Variants in ZFP41 observed in about 807,000 individuals in gnomAD.
ZFP41 encodes zinc finger protein 41 homolog.
ZFP41 carries 10 observed loss-of-function variants against 11.6 expected under a neutral mutation model. That is an observed-to-expected ratio of 0.86 (90% CI 0.53 to 1.47). The LOEUF (loss-of-function observed/expected upper bound fraction) is 1.47. Among genes scored for constraint, ZFP41 ranks in the 40% most tolerant of loss-of-function variants. The pLI, the probability that ZFP41 is intolerant of heterozygous loss-of-function variation, is 0.00. For missense variants in ZFP41, 302 were observed against 264.6 expected, an observed-to-expected ratio of 1.14 and a Z score of -0.98; for synonymous variants, 123 against 100.9, an observed-to-expected ratio of 1.22 and a Z score of -1.31.
Position 143,250,157 on chromosome 8 carries a change from A to G in ZFP41, c.314A>G (p.His105Arg). Residue 105 changes from histidine (H) to arginine (R), a missense_variant, in exon 2 of 3, where the codon CAT becomes CGT. His to Arg is a conservative substitution (Grantham distance 29, BLOSUM62 0). Coordinates refer to ENST00000330701, the MANE Select transcript of ZFP41 (RefSeq NM_173832.6). Reference sequence around the variant, plus strand: ...AAGCACAAGACAGACCACATTCGCCATCAGAGGGTCCACACTGGAGAGAAG... The same window carrying G: ...AAGCACAAGACAGACCACATTCGCCGTCAGAGGGTCCACACTGGAGAGAAG... ...IFKHKTDHIR[H>R]QRVHTGEKPF... is the part of the protein sequence containing the mutation. 1 of 1,614,184 alleles carries G rather than the reference A, an allele frequency of 6.2e-7. No individual in the cohort carries two copies. Among genetic ancestry groups the G allele is most frequent in the Non-Finnish European group, 8.5e-7 (1 of 1,180,040 alleles).
Position 143,249,930 on chromosome 8 carries a change from G to A in ZFP41, c.87G>A (p.Lys29=). The part of the protein sequence containing the change: ...DVQKSALREE[K]VSGDRKPPER... Reference sequence around the variant, plus strand: ...AGAAGAGTGCGCTCAGAGAGGAGAAGGTGTCCGGGGACAGAAAGCCACCTG... The same window carrying A: ...AGAAGAGTGCGCTCAGAGAGGAGAAAGTGTCCGGGGACAGAAAGCCACCTG... The change falls in exon 2 of 3, where the codon AAG becomes AAA. Residue 29 remains lysine, a synonymous_variant. Transcript: ENST00000330701. 6.2e-7 allele frequency: 1 copy of A among 1,613,920 alleles called. No homozygotes were observed. Among genetic ancestry groups the A allele is most frequent in the South Asian group, 1.1e-5 (1 of 91,070 alleles).
chr8:143,249,849 G>A lies in ZFP41; in HGVS notation c.6G>A (p.Glu2=), dbSNP rs368146495. The A allele has an allele frequency of 6.9e-6, 11 of 1,591,184 alleles. No homozygotes were observed. Among genetic ancestry groups the A allele is most frequent in the Middle Eastern group, 1.7e-4 (1 of 5,948 alleles). ...CGCTTCCAAGGAACAGAATGATGGA[G>A]AAGCCTGCAGGCAGAAAAAAGAAGA... The part of the protein sequence containing the change: M[E]KPAGRKKKTP... Residue 2 remains glutamate, a synonymous_variant, in exon 2 of 3, where the codon GAG becomes GAA. Transcript: ENST00000330701.
Position 143,261,778 on chromosome 8 carries a change from C to A in ZFP41, c.*2904C>A. 4.7e-6 allele frequency: 1 copy of A among 212,392 alleles called. No individual in the cohort carries two copies. The highest frequency in any genetic ancestry group is 9.4e-6 in the Non-Finnish European group (1 of 105,922). The allele number at this position is 212,392 out of a possible 1,614,324, so 13.2% of individuals were successfully genotyped here. A position where few individuals can be genotyped will look rare whatever the true frequency, so the allele number is the denominator to read the frequency against. On this transcript the variant is annotated 3_prime_UTR_variant, in exon 3 of 3. Coordinates refer to ENST00000330701, the MANE Select transcript of ZFP41 (RefSeq NM_173832.6). ...CCTACCCGCACCCGTGCACCTTCCA[C>A]GCCCGTCTCCAGCAGCCCCTGCCCC...
chr8:143,248,655 T>G (rs1816737544), intron 1 of ZFP41, among the ~76,000 whole-genome samples: 1 of 151,244 alleles, frequency 6.6e-6, no homozygotes, highest in Non-Finnish European at 1.5e-5. Flanking sequence ...CCAGCCAGCT[T>G]GGGCTGTGAT....
intron 1 of ZFP41, among the ~76,000 whole-genome samples, chr8:143,248,773 C>T (rs1816740107): frequency 1.3e-5 from 2 of 152,170 alleles, no homozygotes; most frequent in African/African-American, 4.8e-5. Context: ...AGTTCTGGCG[C>T]CCACCTGATC....
chr8:143,258,953 C>T (rs745451728), intron 2 of ZFP41, among the ~76,000 whole-genome samples: 3 of 152,314 alleles, frequency 2.0e-5, no homozygotes, highest in South Asian at 4.1e-4. Flanking sequence ...AGCAGCCTGG[C>T]GTTTTCTGGC....
chr8:143,249,591 C>G, intron 1 of ZFP41, 99 bp from the exon 2 acceptor site: 1 of 467,172 alleles, frequency 2.1e-6, no homozygotes, highest in East Asian at 3.6e-5. Context: ...TTGAGACACT[C>G]TTGGGGGAAC....
intron 2 of ZFP41, among the ~76,000 whole-genome samples, chr8:143,255,639 G>A (rs1814891146): frequency 7.2e-6 from 1 of 138,620 alleles, no homozygotes. Flanking sequence ...CCGCGTGCTG[G>A]TGTTAGTGAG....
intron 2 of ZFP41, chr8:143,253,162 CAACTGCAGGCACAG>C (rs1814819904): frequency 1.6e-5 from 1 of 62,140 alleles, no homozygotes; most frequent in Non-Finnish European, 4.7e-5. Context: ...CAGGCACAGT[CAACTGCAGGCACAG>C]TCAGCACCAG....
rs753883465 is a variant in ZFP41, at chr8:143,250,203, C to A, written c.360C>A (p.Cys120Ter). 1.9e-6 allele frequency: 3 copies of A among 1,614,016 alleles called. No individual in the cohort carries two copies. The highest frequency in any genetic ancestry group is 2.5e-6 in the Non-Finnish European group (3 of 1,180,014). ...AGAAGCCCTTCAAGTGTGCGCAGTG[C>A]GGGAAGGCCTTCCGGCACAGCTCTG... ...TGEKPFKCAQCGKAFRHSSDV... is the reference protein window; with the variant it reads ...TGEKPFKCAQ Residue 120 changes from cysteine (C) to a stop codon, truncating the protein, a stop_gained, in exon 2 of 3, where the codon TGC (cysteine) becomes TGA (stop). Transcript: ENST00000330701. LOFTEE classifies it high-confidence loss of function.
chr8:143,261,831 T>TCTCCAGCAGCACCTGCCACGCCC lies in ZFP41; in HGVS notation c.*2957_*2958insCTCCAGCAGCACCTGCCACGCCC, dbSNP rs1563731390. On this transcript the variant is annotated 3_prime_UTR_variant, in exon 3 of 3. Transcript: ENST00000330701. ...CCCGCACCCCTGCACCTGCCACGCCTGTCTCCGGCAGCCCCTGCCCGCACC... is the reference window on the plus strand; with the variant it reads ...CCCGCACCCCTGCACCTGCCACGCCTCTCCAGCAGCACCTGCCACGCCCGTCTCCGGCAGCCCCTGCCCGCACC... The TCTCCAGCAGCACCTGCCACGCCC allele has an allele frequency of 8.5e-5, 3 of 35,376 alleles. No individual in the cohort carries two copies. The highest frequency in any genetic ancestry group is 3.6e-4 in the African/African-American group (2 of 5,490). The allele number at this position is 35,376 out of a possible 1,614,324, so 2.2% of individuals were successfully genotyped here. A position where few individuals can be genotyped will look rare whatever the true frequency, so the allele number is the denominator to read the frequency against.
intron 1 of ZFP41, chr8:143,248,999 T>C (rs973590925): frequency 2.0e-5 from 3 of 152,140 alleles, no homozygotes; most frequent in African/African-American, 7.2e-5. Context: ...AAAGTATTTA[T>C]GTGTTGAGTT....
rs1242748732 is a variant in ZFP41, at chr8:143,262,471, C to T, written c.*3597C>T. On this transcript the variant is annotated 3_prime_UTR_variant, in exon 3 of 3. Transcript: ENST00000330701. ...AGTTTAACTGTCCTGCCAGCCAAAG[C>T]TGCTGAGCATTACTCTGATAGACCA... is the stretch of plus-strand genomic sequence containing the variant. 1.3e-5 allele frequency: 2 copies of T among 152,418 alleles called. No individual in the cohort carries two copies. The highest frequency in any genetic ancestry group is 4.8e-5 in the African/African-American group (2 of 41,474). 9.4% of individuals were successfully genotyped at this position (152,418 alleles called of 1,614,324 possible). A position where few individuals can be genotyped will look rare whatever the true frequency, so the allele number is the denominator to read the frequency against.
At position 143,250,087 on chromosome 8, in the gene ZFP41, C is replaced by T. The variant is rs775050788; in HGVS notation, c.244C>T (p.Gln82Ter). 6.2e-7 allele frequency: 1 copy of T among 1,614,176 alleles called. No individual in the cohort carries two copies. The highest frequency in any genetic ancestry group is 8.5e-7 in the Non-Finnish European group (1 of 1,180,036). Reference protein sequence around the residue: ...FEGVPVFIPFQRKKPYECSEC... With the variant: ...FEGVPVFIPF ...GGGGGTTCCCGTGTTCATTCCTTTT[C>T]AGAGGAAGAAACCCTATGAGTGCAG... is the stretch of plus-strand genomic sequence containing the variant. Residue 82 changes from glutamine (Q) to a stop codon, truncating the protein, a stop_gained, in exon 2 of 3, where the codon CAG becomes TAG. Transcript: ENST00000330701. LOFTEE classifies it high-confidence loss of function.
intron 2 of ZFP41, among the ~76,000 whole-genome samples, chr8:143,258,628 T>G (rs1199072076): frequency 1.3e-5 from 2 of 152,172 alleles, no homozygotes; most frequent in Non-Finnish European, 2.9e-5. Context: ...AACCAGGATT[T>G]TTAAAGACAA....
In ZFP41 at chr8:143,250,317, C is replaced by T. The variant is rs1816778552; in HGVS notation, c.474C>T (p.Leu158=). 6.2e-7 allele frequency: 1 copy of T among 1,614,058 alleles called. No individual in the cohort carries two copies. Residue 158 remains leucine (L), a synonymous_variant, in exon 2 of 3, where the codon CTC becomes CTT. Transcript: ENST00000330701. ...CGKAFNCGSN[L]LKHQKTHTGE... is the part of the protein sequence containing the mutation. ...AAGCCTTTAACTGCGGCTCCAATCT[C>T]CTGAAACATCAGAAGACGCACACCG...
chr8:143,252,732 T>TC (rs1363739396), intron 2 of ZFP41: 2 of 719,856 alleles, frequency 2.8e-6, no homozygotes, highest in Non-Finnish European at 3.4e-6. Flanking sequence ...GGGAGGCCAG[T>TC]CTTCCCGTGG....
intron 2 of ZFP41, among the ~76,000 whole-genome samples, chr8:143,252,009 G>A (rs1814775452): frequency 6.6e-6 from 1 of 152,212 alleles, no homozygotes; most frequent in African/African-American, 2.4e-5. Flanking sequence ...GCCACTTGTA[G>A]TATCGTGGGG....
Position 143,250,307 on chromosome 8 carries a change from G to C in ZFP41, c.464G>C (p.Gly155Ala). 1 of 1,614,026 alleles carries C rather than the reference G, an allele frequency of 6.2e-7. No homozygotes were observed. Residue 155 changes from glycine (G) to alanine (A), a missense_variant, in exon 2 of 3, where the codon GGC becomes GCC. Coordinates refer to ENST00000330701, the MANE Select transcript of ZFP41 (RefSeq NM_173832.6). ...CGECGKAFNC[G>A]SNLLKHQKTH... Reference sequence around the variant, plus strand: ...GAGTGCGGGAAAGCCTTTAACTGCGGCTCCAATCTCCTGAAACATCAGAAG... The same window carrying C: ...GAGTGCGGGAAAGCCTTTAACTGCGCCTCCAATCTCCTGAAACATCAGAAG...
Sources: gnomAD v4.1 joint callset for allele counts (sites outside exome capture counted in the v4.1 genomes callset) on GRCh38, gnomAD v4.1.1 for gene constraint, MANE v1.5 for transcripts, NCBI Gene and HGNC (gene_info 2026-07-23, HGNC 2026-07-21) for gene names.